Variants in GRHL2 observed in about 807,000 individuals in gnomAD.
GRHL2 encodes grainyhead like transcription factor 2, also known as grainyhead-like protein 2 homolog.
Under a neutral mutation model 83.8 loss-of-function variants are expected in GRHL2, and 21 were observed. That is an observed-to-expected ratio of 0.25 (90% CI 0.18 to 0.36). GRHL2 has a LOEUF of 0.36. Among genes scored for constraint, GRHL2 ranks in the 10% least tolerant of loss-of-function variants. The pLI is 1.00. For missense variants in GRHL2, 623 were observed against 781.8 expected, an observed-to-expected ratio of 0.80 and a Z score of 2.42; for synonymous variants, 280 against 278.9, an observed-to-expected ratio of 1.00 and a Z score of -0.04.
At chr8:101,618,425 A>G (rs1586148442) in intron 8 of GRHL2, among the ~76,000 whole-genome samples, 1 of 152,264 alleles carries the variant, frequency 6.6e-6, no homozygotes, top group Non-Finnish European at 1.5e-5. Context: ...TGCCTTCACT[A>G]ATTCACTATA....
intron 14 of GRHL2, among the ~76,000 whole-genome samples, chr8:101,658,333 G>A (rs1813844329): frequency 6.6e-6 from 1 of 152,190 alleles, no homozygotes; most frequent in South Asian, 2.1e-4. Flanking sequence ...CATCTGCCAG[G>A]TTGTTCCCTT....
intron 8 of GRHL2, among the ~76,000 whole-genome samples, chr8:101,616,070 TCCTC>T (rs921812351): frequency 7.3e-6 from 1 of 136,520 alleles, no homozygotes; most frequent in South Asian, 2.8e-4. Flanking sequence ...CCTCCCCTCC[TCCTC>T]CCTCCCTCCC....
intron 5 of GRHL2, among the ~76,000 whole-genome samples, chr8:101,570,766 C>A (rs1242875239): frequency 6.6e-6 from 1 of 152,122 alleles, no homozygotes; most frequent in Non-Finnish European, 1.5e-5. Flanking sequence ...CCTATTGTGG[C>A]TAATGATGTA....
At chr8:101,563,201 C>A (rs775910955) in intron 4 of GRHL2, among the ~76,000 whole-genome samples, 1 of 152,144 alleles carries the variant, frequency 6.6e-6, no homozygotes, top group Non-Finnish European at 1.5e-5. Flanking sequence ...TAGGACTCAA[C>A]CTAAGCTGTC....
intron 8 of GRHL2, among the ~76,000 whole-genome samples, chr8:101,612,884 C>T (rs7814323): frequency 0.028 from 4,166 of 150,688 alleles, 525 homozygotes; most frequent in African/African-American, 0.098. Context: ...AGCAAACAGA[C>T]AATTAAACAC....
At chr8:101,652,467 G>GTGGT (rs1563627181) in intron 14 of GRHL2, among the ~76,000 whole-genome samples, 1 of 29,304 alleles carries the variant, frequency 3.4e-5, no homozygotes, top group African/African-American at 2.4e-4. Flanking sequence ...TGGTGTGTGT[G>GTGGT]GTGTGTGTGT....
chr8:101,679,665 C>A, the GRHL2 span, among the ~76,000 whole-genome samples: 1 of 151,604 alleles, frequency 6.6e-6, no homozygotes, highest in Non-Finnish European at 1.5e-5. Context: ...ATGTTAAGGA[C>A]AGCCAGAGAA....
intron 1 of GRHL2, among the ~76,000 whole-genome samples, chr8:101,513,454 G>C (rs1810503920): frequency 2.0e-5 from 3 of 149,934 alleles, no homozygotes; most frequent in Non-Finnish European, 4.4e-5. Flanking sequence ...TCTTTCCTGG[G>C]TGTGTGTATG....
chr8:101,659,804 G>A (rs888071153), intron 14 of GRHL2, among the ~76,000 whole-genome samples: 1 of 152,188 alleles, frequency 6.6e-6, no homozygotes, highest in African/African-American at 2.4e-5. Context: ...ACATTATTGA[G>A]TGTCTCGCCA....
At chr8:101,545,532 G>A (rs1391396917) in intron 2 of GRHL2, among the ~76,000 whole-genome samples, 1 of 148,474 alleles carries the variant, frequency 6.7e-6, no homozygotes, top group African/African-American at 2.5e-5. Flanking sequence ...TTTTCTGGCT[G>A]TGGTTGTTTT....
intron 8 of GRHL2, among the ~76,000 whole-genome samples, chr8:101,614,061 G>A (rs969044644): frequency 4.0e-5 from 6 of 150,980 alleles, no homozygotes; most frequent in Non-Finnish European, 8.8e-5. Context: ...AAAGCTTTAG[G>A]AGTTAATAAT....
chr8:101,669,329 T>A lies in GRHL2; in HGVS notation c.*2626T>A, dbSNP rs1279634390. 1 of 141,064 alleles carries A rather than the reference T, an allele frequency of 7.1e-6. No homozygotes were observed. The highest frequency in any genetic ancestry group is 1.5e-5 in the Non-Finnish European group (1 of 66,004). The allele number at this position is 141,064 out of a possible 1,614,324, so 8.7% of individuals were successfully genotyped here. ...CATACATCTCCAAATTGTTTAAACT[T>A]ACTTTATGAGTGTTTGTTTAGAAGT... On this transcript the variant is annotated 3_prime_UTR_variant, in exon 16 of 16. Coordinates refer to ENST00000646743, the MANE Select transcript of GRHL2 (RefSeq NM_024915.4).
rs139033830 is a variant in GRHL2 at position 101,644,089 on chromosome 8, C to T, written c.1518-42C>T. 1.9e-4 allele frequency: 292 copies of T among 1,550,116 alleles called. No homozygotes were observed. The African/African-American group carries it at 3.3e-3, about 17-fold the overall frequency. ...ACACATGTGAACGTGTGTTTTGACA[C>T]CTTGCTGGTTTTACTTAAGGATTTC... On this transcript the variant is annotated intron_variant, in intron 12 of 15. Coordinates refer to ENST00000646743, the MANE Select transcript of GRHL2 (RefSeq NM_024915.4).
intron 4 of GRHL2, among the ~76,000 whole-genome samples, chr8:101,563,662 C>A (rs1227304133): frequency 1.3e-5 from 2 of 152,002 alleles, no homozygotes; most frequent in Admixed American, 6.6e-5. Context: ...TTAAAATTAT[C>A]TTTCTTAGCT....
chr8:101,589,245 T>C (rs1812227277), intron 7 of GRHL2, among the ~76,000 whole-genome samples: 1 of 152,230 alleles, frequency 6.6e-6, no homozygotes, highest in East Asian at 1.9e-4. Context: ...CAGGTACTTT[T>C]GTGTGATTTA....
At chr8:101,495,005 C>T (rs1810066457) in intron 1 of GRHL2, among the ~76,000 whole-genome samples, 1 of 152,166 alleles carries the variant, frequency 6.6e-6, no homozygotes, top group Non-Finnish European at 1.5e-5. Flanking sequence ...TGCTTTAAGT[C>T]AATACATGAC....
At chr8:101,624,612 G>GA (rs1220964349) in intron 9 of GRHL2, among the ~76,000 whole-genome samples, 5,378 of 32,326 alleles carry the variant, frequency 0.17, 66 homozygotes, top group Middle Eastern at 0.3. Flanking sequence ...CAGTACACAG[G>GA]ACAGTTTACA....
chr8:101,575,434 G>A (rs1811914331), intron 6 of GRHL2, among the ~76,000 whole-genome samples: 2 of 152,114 alleles, frequency 1.3e-5, no homozygotes, highest in African/African-American at 4.8e-5. Flanking sequence ...CTAAAGTGAA[G>A]AGTCCCCCCT....
chr8:101,657,573 G>C (rs1209899500), intron 14 of GRHL2, among the ~76,000 whole-genome samples: 1 of 152,188 alleles, frequency 6.6e-6, no homozygotes, highest in Non-Finnish European at 1.5e-5. Context: ...GGGCGTAGTG[G>C]CTCACGCCTG....
Sources: gnomAD v4.1 joint callset for allele counts (sites outside exome capture counted in the v4.1 genomes callset) on GRCh38, gnomAD v4.1.1 for gene constraint, MANE v1.5 for transcripts, NCBI Gene and HGNC (gene_info 2026-07-23, HGNC 2026-07-21) for gene names.